CADM2: variants seen among roughly 807,000 people sequenced by gnomAD.
The protein encoded by CADM2 is cell adhesion molecule 2.
In CADM2, 12 loss-of-function variants were observed where a neutral mutation model predicts 49.8. The observed-to-expected ratio is 0.24, with a 90% CI of 0.15 to 0.39. The LOEUF (loss-of-function observed/expected upper bound fraction) is 0.39. Ranked by LOEUF, CADM2 falls within the 10% of genes least tolerant of loss-of-function variation. The pLI, the probability that CADM2 is intolerant of heterozygous loss-of-function variation, is 1.00. For missense variants in CADM2, 378 were observed against 492.3 expected (o/e 0.77, Z 2.20); for synonymous variants, 214 against 175.4 (o/e 1.22, Z -1.74).
intron 1 of CADM2, among the ~76,000 whole-genome samples, chr3:85,669,566 G>A (rs1238111004): frequency 1.3e-5 from 2 of 152,026 alleles, no homozygotes; most frequent in African/African-American, 4.8e-5. Context: ...TTTCTGCCTG[G>A]AAGAATCTCA....
intron 1 of CADM2, among the ~76,000 whole-genome samples, chr3:85,294,339 A>C (rs2043892529): frequency 6.6e-6 from 1 of 152,224 alleles, no homozygotes; most frequent in South Asian, 2.1e-4. Flanking sequence ...AGGAAGAATC[A>C]ATATCGTGAA....
At chr3:85,214,546 C>T (rs531205816) in intron 1 of CADM2, among the ~76,000 whole-genome samples, 1 of 151,910 alleles carries the variant, frequency 6.6e-6, no homozygotes, top group Non-Finnish European at 1.5e-5. Context: ...CACCCCCCAA[C>T]CCTGGTCCTG....
At chr3:86,059,634 G>A (rs1415934437) in intron 8 of CADM2, among the ~76,000 whole-genome samples, 1 of 152,134 alleles carries the variant, frequency 6.6e-6, no homozygotes, top group African/African-American at 2.4e-5. Context: ...GTATTTATCT[G>A]AATAACAATG....
chr3:85,325,398 A>G (rs2044723246), intron 1 of CADM2, among the ~76,000 whole-genome samples: 1 of 152,170 alleles, frequency 6.6e-6, no homozygotes, highest in Non-Finnish European at 1.5e-5. Context: ...GCTTTTGAAT[A>G]TCAGTTAATT....
chr3:85,416,974 T>C lies in CADM2; in HGVS notation c.62-309548T>C, dbSNP rs556064237. Among the ~76,000 whole-genome samples, 33 of 152,276 alleles carry C rather than the reference T, an allele frequency of 2.2e-4. 1 individual carries two copies. In the South Asian group the frequency reaches 6.6e-3, roughly 31 times the overall value. On this transcript the variant is annotated intron_variant, in intron 1 of 9. Coordinates refer to ENST00000383699, the MANE Select transcript of CADM2 (RefSeq NM_001167675.2). ...TCTCAGCTTTTTCAATTGTGCTTTA[T>C]TCAAATAAAGTCTCTGATTATGAAA...
Position 85,406,930 on chromosome 3 carries a change from TCATGCC to T in CADM2, c.62-319590_62-319585del, listed in dbSNP as rs1448545089. Reference sequence around the variant, plus strand: ...ACAAAATACGACCAGGGTACAGTGGTCATGCCCGTAATTGCCTCACTTTGGAAGGCG... The same window carrying T: ...ACAAAATACGACCAGGGTACAGTGGTCGTAATTGCCTCACTTTGGAAGGCG... On this transcript the variant is annotated intron_variant, in intron 1 of 9. Coordinates refer to ENST00000383699, the MANE Select transcript of CADM2 (RefSeq NM_001167675.2). Among the ~76,000 whole-genome samples, 3 of 152,146 alleles carry T rather than the reference TCATGCC, an allele frequency of 2.0e-5. No homozygotes were observed. In the East Asian group the frequency reaches 5.8e-4, roughly 29 times the overall value.
intron 1 of CADM2, among the ~76,000 whole-genome samples, chr3:85,598,546 T>C (rs2063308464): frequency 6.6e-6 from 1 of 151,932 alleles, no homozygotes; most frequent in Non-Finnish European, 1.5e-5. Context: ...CATAATTTAC[T>C]GTGAAAAAAG....
intron 1 of CADM2, among the ~76,000 whole-genome samples, chr3:85,255,884 G>A (rs1185623965): frequency 1.3e-5 from 2 of 151,918 alleles, no homozygotes; most frequent in Non-Finnish European, 2.9e-5. Flanking sequence ...GTGTTTATTA[G>A]TATATCTACA....
At chr3:86,050,828 A>C (rs905103805) in intron 8 of CADM2, among the ~76,000 whole-genome samples, 1 of 152,130 alleles carries the variant, frequency 6.6e-6, no homozygotes. Context: ...TGGGCCCTGG[A>C]CCTGGCCCAG....
chr3:85,027,109 C>CTTTTTTTTTTTTTTTTTTTTT lies in CADM2; in HGVS notation c.61+67444_61+67464dup, dbSNP rs1160735135. On this transcript the variant is annotated intron_variant, in intron 1 of 9. Transcript: ENST00000383699. ...TGGTTGTTGTTGCTTTTTCTTTTTC[C>CTTTTTTTTTTTTTTTTTTTTT]TTTTTTTTTTTTTTTTTTTTTTTAA... Among the ~76,000 whole-genome samples, 22 of 55,688 alleles carry CTTTTTTTTTTTTTTTTTTTTT rather than the reference C, an allele frequency of 4.0e-4. 7 individuals are homozygous for CTTTTTTTTTTTTTTTTTTTTT. Among genetic ancestry groups the CTTTTTTTTTTTTTTTTTTTTT allele is most frequent in the African/African-American group, 1.7e-3 (17 of 10,260 alleles). 36.5% of individuals were successfully genotyped at this position (55,688 alleles called of 152,430 possible).
intron 1 of CADM2, among the ~76,000 whole-genome samples, chr3:85,289,496 G>T (rs2106925440): frequency 6.6e-6 from 1 of 152,274 alleles, no homozygotes; most frequent in Non-Finnish European, 1.5e-5. Context: ...TGGTTAATTT[G>T]TCAATGTGGA....
At chr3:85,483,182 A>G (rs144490304) in intron 1 of CADM2, among the ~76,000 whole-genome samples, 175 of 151,684 alleles carry the variant, frequency 1.2e-3, no homozygotes, top group African/African-American at 3.9e-3. Context: ...TAAGTACACA[A>G]TTCAGTGGCA....
chr3:85,315,899 G>C lies in CADM2; in HGVS notation c.61+356231G>C, dbSNP rs556337622. ...TGAAGATAATTATATATATATTTAC[G>C]TACACATGCATACACACGCCTATGT... is the stretch of plus-strand genomic sequence containing the variant. On this transcript the variant is annotated intron_variant, in intron 1 of 9. Transcript: ENST00000383699. Among the ~76,000 whole-genome samples the C allele has an allele frequency of 3.6e-4, 54 of 151,948 alleles. 1 individual carries two copies. Among genetic ancestry groups the C allele is most frequent in the Middle Eastern group, 6.8e-3 (2 of 292 alleles).
intron 1 of CADM2, among the ~76,000 whole-genome samples, chr3:85,472,252 G>A (rs959746629): frequency 2.6e-5 from 4 of 151,726 alleles, no homozygotes; most frequent in African/African-American, 9.7e-5. Context: ...TTAGTTGAGT[G>A]TTAAAATATT....
chr3:85,394,579 C>G (rs760026238), intron 1 of CADM2, among the ~76,000 whole-genome samples: 5 of 152,088 alleles, frequency 3.3e-5, no homozygotes, highest in Admixed American at 6.5e-5. Flanking sequence ...AAAAAGCTTT[C>G]AGTTGTGACT....
intron 1 of CADM2, among the ~76,000 whole-genome samples, chr3:85,544,176 A>C (rs2107065385): frequency 1.3e-5 from 2 of 152,336 alleles, no homozygotes; most frequent in East Asian, 3.9e-4. Flanking sequence ...TCTGGTTACA[A>C]TAAATGTAAA....
chr3:85,340,745 T>C (rs1427912980), intron 1 of CADM2, among the ~76,000 whole-genome samples: 2 of 151,634 alleles, frequency 1.3e-5, no homozygotes, highest in Non-Finnish European at 3.0e-5. Context: ...ATGTTGTCAA[T>C]TTACATGTCT....
At chr3:85,117,301 G>A (rs1490329113) in intron 1 of CADM2, among the ~76,000 whole-genome samples, 1 of 151,892 alleles carries the variant, frequency 6.6e-6, no homozygotes, top group South Asian at 2.1e-4. Context: ...TCAGTCTTTT[G>A]AAAATAGTAA....
At chr3:85,487,054 A>C (rs2039445543) in intron 1 of CADM2, among the ~76,000 whole-genome samples, 1 of 152,190 alleles carries the variant, frequency 6.6e-6, no homozygotes, top group African/African-American at 2.4e-5. Context: ...GTCTTCTGAA[A>C]TGTCAAACAT....
Sources: gnomAD v4.1 joint callset for allele counts (sites outside exome capture counted in the v4.1 genomes callset) on GRCh38, gnomAD v4.1.1 for gene constraint, MANE v1.5 for transcripts, NCBI Gene and HGNC (gene_info 2026-07-23, HGNC 2026-07-21) for gene names.